Variants in TMEM131 observed in about 807,000 individuals in gnomAD.
TMEM131 encodes 2610524E03Rik.
In TMEM131, 66 loss-of-function variants were observed where a neutral mutation model predicts 211.6. The ratio of observed to expected loss-of-function variants is 0.31; its 90% CI spans 0.26 to 0.38. TMEM131 has a LOEUF of 0.38. Among genes scored for constraint, TMEM131 ranks in the 10% least tolerant of loss-of-function variants. The pLI is 1.00. For missense variants in TMEM131, 2,036 were observed against 2,299.3 expected (o/e 0.89, Z 2.34); for synonymous variants, 844 against 841.3 (o/e 1.00, Z -0.06).
At chr2:97,942,964 A>AG (rs1477226103) in intron 1 of TMEM131, among the ~76,000 whole-genome samples, 3 of 146,036 alleles carry the variant, frequency 2.1e-5, no homozygotes, top group Non-Finnish European at 3.0e-5. Context: ...GCTACAAAAA[A>AG]AAAGAAAGAA....
chr2:97,881,723 A>AGGGGG (rs59488414), intron 4 of TMEM131, among the ~76,000 whole-genome samples: 11 of 65,550 alleles, frequency 1.7e-4, no homozygotes, highest in Admixed American at 2.0e-4. Flanking sequence ...AAAAAAAAAA[A>AGGGGG]GGGGGGGGGG....
chr2:97,840,849 G>C (rs1573444288), intron 7 of TMEM131, among the ~76,000 whole-genome samples: 1 of 152,138 alleles, frequency 6.6e-6, no homozygotes, highest in East Asian at 1.9e-4. Context: ...GTTGGGGAGA[G>C]ATTTCTTTCG....
chr2:97,813,568 C>G (rs750752678), intron 15 of TMEM131, among the ~76,000 whole-genome samples: 15 of 152,138 alleles, frequency 9.9e-5, no homozygotes, highest in Non-Finnish European at 2.1e-4. Context: ...CTATCTGATT[C>G]TCTTCTTTGT....
At chr2:97,823,276 C>T (rs1372524371) in intron 11 of TMEM131, among the ~76,000 whole-genome samples, 4 of 152,118 alleles carry the variant, frequency 2.6e-5, no homozygotes. Context: ...GTTATGTCCC[C>T]TTCAAGCTGT....
chr2:97,839,021 A>G (rs796103116), intron 7 of TMEM131, among the ~76,000 whole-genome samples: 2 of 152,130 alleles, frequency 1.3e-5, no homozygotes, highest in South Asian at 4.2e-4. Flanking sequence ...AAGCATAACA[A>G]TGCTTGAAAA....
chr2:97,757,271 G>C lies in TMEM131; in HGVS notation c.5480C>G (p.Ala1827Gly). 6.2e-7 allele frequency: 1 copy of C among 1,613,958 alleles called. No homozygotes were observed. ...TTCTGTGCCCATGAGGCCGATGCTT[G>C]CCAGCGTGTTTGCTGGAGTGGTGAA... ...LPFTTPANTL[A>G]SIGLMGTENS... The change falls in exon 41 of 41, where the codon GCA (alanine) becomes GGA (glycine). Residue 1827 changes from alanine to glycine, a missense_variant. By Grantham distance (60) the Ala-to-Gly change is moderately conservative (BLOSUM62 0). Around this residue, in one of 3 missense-constraint regions of TMEM131, gnomAD observed 1,623 missense variants for 1,805.9 expected, o/e 0.90. Coordinates refer to ENST00000186436, the MANE Select transcript of TMEM131 (RefSeq NM_015348.2).
In TMEM131 at chr2:97,775,843, C is replaced by G; in HGVS notation, c.4320G>C (p.Glu1440Asp). Residue 1440 changes from glutamate (E) to aspartate (D), a missense_variant and splice_region_variant, in exon 32 of 41, where the codon GAG (glutamate) becomes GAC (aspartate). Physicochemically the swap from Glu to Asp is conservative, Grantham distance 45. Around this residue, in one of 3 missense-constraint regions of TMEM131, gnomAD observed 1,623 missense variants for 1,805.9 expected, o/e 0.90. Coordinates refer to ENST00000186436, the MANE Select transcript of TMEM131 (RefSeq NM_015348.2). ...TTTGTTGTGTGAGATCAGCCCGTAC[C>G]TCCTTGAGGAGCGGTTCTGTGTCAG... Reference protein sequence around the residue: ...SNPDTEPLLKEDTEKQKGKQA... With the variant: ...SNPDTEPLLKDDTEKQKGKQA... 1 of 1,612,304 alleles carries G rather than the reference C, an allele frequency of 6.2e-7. No homozygotes were observed. Among genetic ancestry groups the G allele is most frequent in the Non-Finnish European group, 8.5e-7 (1 of 1,179,390 alleles).
rs146092238 is a variant in TMEM131 at position 97,786,954 on chromosome 2, T to A, written c.4144+5432A>T. Among the ~76,000 whole-genome samples the A allele has an allele frequency of 6.2e-3, 950 of 152,334 alleles. 13 individuals carry two copies. Among genetic ancestry groups the A allele is most frequent in the African/African-American group, 0.02 (828 of 41,576 alleles). ...TTTTCCTTCAGAACTATATGACATT[T>A]TTCCTCAACCATAACTGCCAGAAAA... On this transcript the variant is annotated intron_variant, in intron 31 of 40. Transcript: ENST00000186436.
At position 97,793,414 on chromosome 2, in the gene TMEM131, C is replaced by T. The variant is rs757061175; in HGVS notation, c.3526G>A (p.Gly1176Ser). Residue 1176 changes from glycine (G) to serine (S), a missense_variant, in exon 30 of 41, where the codon GGT (glycine) becomes AGT (serine). Coordinates refer to ENST00000186436, the MANE Select transcript of TMEM131 (RefSeq NM_015348.2). Reference sequence around the variant, plus strand: ...ACATACTTTCCTTCAGATGAAATACCAACGATTCTCCTGAGATCAAATGGC... The same window carrying T: ...ACATACTTTCCTTCAGATGAAATACTAACGATTCTCCTGAGATCAAATGGC... ...GRPFDLRRIV[G>S]ISSEGNLNTL... 5.8e-5 allele frequency: 93 copies of T among 1,613,180 alleles called. No homozygotes were observed. Among genetic ancestry groups the T allele is most frequent in the Non-Finnish European group, 7.5e-5 (88 of 1,179,460 alleles).
chr2:97,769,358 G>GT (rs1453912713), intron 33 of TMEM131, among the ~76,000 whole-genome samples: 1 of 151,842 alleles, frequency 6.6e-6, no homozygotes, highest in Non-Finnish European at 1.5e-5. Flanking sequence ...CTGAGATTTC[G>GT]TATTCTTTTT....
chr2:97,834,226 G>A (rs149508350), intron 10 of TMEM131, among the ~76,000 whole-genome samples: 19 of 152,206 alleles, frequency 1.2e-4, no homozygotes, highest in African/African-American at 4.6e-4. Flanking sequence ...CTGAACAGCT[G>A]CAACAAACTT....
chr2:97,970,064 G>A (rs141949678), intron 1 of TMEM131, among the ~76,000 whole-genome samples: 5 of 152,282 alleles, frequency 3.3e-5, no homozygotes, highest in African/African-American at 1.2e-4. Context: ...TTCCAGAAAC[G>A]TGCTATTGTG....
intron 1 of TMEM131, among the ~76,000 whole-genome samples, chr2:97,957,346 T>C (rs553605449): frequency 1.3e-5 from 2 of 152,358 alleles, no homozygotes; most frequent in South Asian, 4.1e-4. Context: ...TAGTTTATTA[T>C]TTTTAAAATT....
At chr2:97,813,613 A>G (rs1200855595) in intron 15 of TMEM131, among the ~76,000 whole-genome samples, 2 of 152,004 alleles carry the variant, frequency 1.3e-5, no homozygotes, top group Non-Finnish European at 2.9e-5. Flanking sequence ...TCTCTTCCCT[A>G]CGTATATCCC....
intron 3 of TMEM131, among the ~76,000 whole-genome samples, chr2:97,906,897 GTAGATAA>G (rs1041767201): frequency 1.3e-5 from 2 of 152,288 alleles, no homozygotes; most frequent in African/African-American, 4.8e-5. Flanking sequence ...TTAGATAGAA[GTAGATAA>G]TAGATAAGTA....
chr2:97,843,298 C>A (rs890738659), intron 6 of TMEM131, among the ~76,000 whole-genome samples: 1 of 152,146 alleles, frequency 6.6e-6, no homozygotes, highest in African/African-American at 2.4e-5. Flanking sequence ...ATGTATAGTA[C>A]ACTGCTGGAC....
At chr2:97,810,806 T>C (rs941113132) in intron 18 of TMEM131, among the ~76,000 whole-genome samples, 6 of 152,090 alleles carry the variant, frequency 3.9e-5, no homozygotes, top group African/African-American at 1.4e-4. Flanking sequence ...CAATCAGAGG[T>C]ATCTAACTCA....
At chr2:97,766,330 T>C (rs939387045) in intron 34 of TMEM131, 67 bp from the exon 35 acceptor site, 5 of 1,607,442 alleles carry the variant, frequency 3.1e-6, no homozygotes, top group Non-Finnish European at 4.3e-6. Flanking sequence ...TCTATTTCAA[T>C]GAACCTTCTA....
At chr2:97,871,380 C>T (rs552019233) in intron 4 of TMEM131, among the ~76,000 whole-genome samples, 83 of 152,270 alleles carry the variant, frequency 5.5e-4, no homozygotes, top group African/African-American at 1.9e-3. Context: ...TGATAATAAC[C>T]TTTCCCAAAA....
Sources: allele counts gnomAD v4.1 joint callset (sites outside exome capture counted in the v4.1 genomes callset), GRCh38; gene constraint gnomAD v4.1.1; regional missense constraint gnomAD v4.1.1; transcripts MANE v1.5; gene names NCBI Gene and HGNC (gene_info 2026-07-23, HGNC 2026-07-21).